TBC1D22A: variants seen among roughly 807,000 people sequenced by gnomAD.
The protein encoded by TBC1D22A is TBC1 domain family member 22A.
TBC1D22A carries 38 observed loss-of-function variants against 60.2 expected under a neutral mutation model. That is an observed-to-expected ratio of 0.63 (90% confidence interval 0.49 to 0.83). The LOEUF is 0.83. Ranked by LOEUF, TBC1D22A falls within the 40% of genes least tolerant of loss-of-function variation. The probability of loss-of-function intolerance (pLI) is 0.00; values close to 1 mark genes in which losing one functional copy is unlikely to be tolerated. For missense variants in TBC1D22A, 628 were observed against 701.0 expected, an observed-to-expected ratio of 0.90 and a Z score of 1.18; for synonymous variants, 302 against 281.7, an observed-to-expected ratio of 1.07 and a Z score of -0.72.
chr22:47,038,813 C>T (rs1300269139), intron 11 of TBC1D22A, among the ~76,000 whole-genome samples: 3 of 152,184 alleles, frequency 2.0e-5, no homozygotes, highest in Non-Finnish European at 4.4e-5. Context: ...TTTGTTCTTC[C>T]AAGTGTTTGG....
intron 11 of TBC1D22A, among the ~76,000 whole-genome samples, chr22:47,108,601 A>G (rs1013957741): frequency 2.0e-5 from 3 of 152,256 alleles, no homozygotes; most frequent in Admixed American, 2.0e-4. Context: ...AGCCATAGAT[A>G]TGTCCACTAC....
intron 11 of TBC1D22A, among the ~76,000 whole-genome samples, chr22:47,053,016 C>T (rs150198552): frequency 2.8e-3 from 426 of 152,360 alleles, no homozygotes; most frequent in African/African-American, 9.7e-3. Flanking sequence ...TCTTCTTTAC[C>T]TGTGTGGTCA....
intron 4 of TBC1D22A, among the ~76,000 whole-genome samples, chr22:46,819,084 G>A (rs564814054): frequency 6.6e-6 from 1 of 152,194 alleles, no homozygotes; most frequent in Non-Finnish European, 1.5e-5. Flanking sequence ...CATTGGTTTT[G>A]TATCCTGAGA....
chr22:46,845,954 G>A (rs2086971929), intron 4 of TBC1D22A, among the ~76,000 whole-genome samples: 1 of 152,270 alleles, frequency 6.6e-6, no homozygotes, highest in Non-Finnish European at 1.5e-5. Flanking sequence ...GAGCAGCCGG[G>A]GAGCTGGCAA....
At chr22:46,917,150 C>A (rs2070424350) in intron 8 of TBC1D22A, among the ~76,000 whole-genome samples, 1 of 152,142 alleles carries the variant, frequency 6.6e-6, no homozygotes. Context: ...GGAAGACACA[C>A]TTTTTAGTCT....
intron 11 of TBC1D22A, among the ~76,000 whole-genome samples, chr22:47,071,263 C>G (rs1414630518): frequency 6.6e-6 from 1 of 152,236 alleles, no homozygotes; most frequent in Non-Finnish European, 1.5e-5. Flanking sequence ...TTAAGCCTCC[C>G]AGGAGCTTGC....
chr22:47,094,989 C>T (rs996486514), intron 11 of TBC1D22A, among the ~76,000 whole-genome samples: 1 of 152,230 alleles, frequency 6.6e-6, no homozygotes, highest in African/African-American at 2.4e-5. Context: ...GGATGAGTCA[C>T]TGAGGCCGGC....
intron 4 of TBC1D22A, among the ~76,000 whole-genome samples, chr22:46,859,170 T>G (rs1404874636): frequency 9.8e-4 from 54 of 55,370 alleles, no homozygotes; most frequent in South Asian, 1.6e-3. Flanking sequence ...AGAATCCTTT[T>G]TTGATAGAGG....
chr22:46,823,769 C>T (rs2085929390), intron 4 of TBC1D22A, among the ~76,000 whole-genome samples: 1 of 152,248 alleles, frequency 6.6e-6, no homozygotes, highest in South Asian at 2.1e-4. Context: ...ATTTAATCAG[C>T]TCACAGCACT....
chr22:46,895,065 G>A (rs2068602640), intron 7 of TBC1D22A, among the ~76,000 whole-genome samples: 1 of 152,212 alleles, frequency 6.6e-6, no homozygotes, highest in South Asian at 2.1e-4. Flanking sequence ...AGCGAAGAAT[G>A]TATGTAATAC....
At chr22:47,029,643 C>T (rs1049359153) in intron 10 of TBC1D22A, among the ~76,000 whole-genome samples, 52 of 152,342 alleles carry the variant, frequency 3.4e-4, no homozygotes, top group African/African-American at 1.2e-3. Flanking sequence ...TCCTGGCTGC[C>T]GCTTCTGGGG....
At chr22:47,057,668 G>A (rs2063438631) in intron 11 of TBC1D22A, among the ~76,000 whole-genome samples, 1 of 152,216 alleles carries the variant, frequency 6.6e-6, no homozygotes, top group Non-Finnish European at 1.5e-5. Flanking sequence ...AAGAGGGCGT[G>A]TGCAGGGAGC....
At position 47,037,080 on chromosome 22, in the gene TBC1D22A, A is replaced by G. The variant is rs1603106605; in HGVS notation, c.1211A>G (p.His404Arg). The change falls in exon 11 of 13, where the codon CAC becomes CGC. Residue 404 changes from histidine (H) to arginine (R), a missense_variant. His to Arg is a conservative substitution (Grantham distance 29). Coordinates refer to ENST00000337137, the MANE Select transcript of TBC1D22A (RefSeq NM_014346.5). ...ELVSRIDEQV[H>R]RHLDQHEVRY... ...TGTTTGTTTTGTGCAGAGCAAGTGC[A>G]CCGGCACCTGGACCAACACGAAGTG... is the stretch of plus-strand genomic sequence containing the variant. The G allele has an allele frequency of 6.2e-7, 1 of 1,613,684 alleles. No homozygotes were observed. The highest frequency in any genetic ancestry group is 1.3e-5 in the African/African-American group (1 of 75,034).
intron 12 of TBC1D22A, among the ~76,000 whole-genome samples, chr22:47,121,833 G>A (rs2066280949): frequency 2.6e-5 from 4 of 152,150 alleles, no homozygotes; most frequent in Admixed American, 2.0e-4. Context: ...TGAGGTTCGT[G>A]GCTTGGAGCT....
Position 46,871,754 on chromosome 22 carries a change from T to G in TBC1D22A, c.638-6899T>G, listed in dbSNP as rs548695639. On this transcript the variant is annotated intron_variant, in intron 4 of 12. Transcript: ENST00000337137. ...GAAAAGAATAAAGGTTTCCAATCCATATTCAACGCTCTCATTTTAAGAAAC... is the reference window on the plus strand; with the variant it reads ...GAAAAGAATAAAGGTTTCCAATCCAGATTCAACGCTCTCATTTTAAGAAAC... 2.7e-4 allele frequency among the ~76,000 whole-genome samples: 41 copies of G among 152,324 alleles called. 1 individual carries two copies. In the East Asian group the frequency reaches 6.7e-3, roughly 25 times the overall value.
chr22:46,902,874 G>A (rs1331263808), intron 7 of TBC1D22A, among the ~76,000 whole-genome samples: 1 of 150,206 alleles, frequency 6.7e-6, no homozygotes, highest in African/African-American at 2.5e-5. Flanking sequence ...GAAGACAGAT[G>A]TGCGTGAAAC....
chr22:46,968,652 A>G (rs1344061971), intron 8 of TBC1D22A, among the ~76,000 whole-genome samples: 25 of 144,706 alleles, frequency 1.7e-4, no homozygotes, highest in Admixed American at 2.7e-4. Context: ...CTCACTGCGT[A>G]GCCGGCGGTC....
chr22:46,883,242 C>A (rs2067939871), intron 5 of TBC1D22A, among the ~76,000 whole-genome samples: 1 of 152,148 alleles, frequency 6.6e-6, no homozygotes, highest in Non-Finnish European at 1.5e-5. Flanking sequence ...CATAGGAACA[C>A]AGTGGGAGGG....
chr22:47,016,762 T>G (rs1200644458), intron 10 of TBC1D22A, among the ~76,000 whole-genome samples: 2 of 152,240 alleles, frequency 1.3e-5, no homozygotes, highest in Non-Finnish European at 2.9e-5. Context: ...CGTATTCGTT[T>G]CAGAAGCTGC....
Sources: gnomAD v4.1 joint callset for allele counts (sites outside exome capture counted in the v4.1 genomes callset) on GRCh38, gnomAD v4.1.1 for gene constraint, MANE v1.5 for transcripts, NCBI Gene and HGNC (gene_info 2026-07-23, HGNC 2026-07-21) for gene names.